Variants in DPP10 observed in about 807,000 individuals in gnomAD.
DPP10 encodes the protein inactive dipeptidyl peptidase 10.
In DPP10, 33 loss-of-function variants were observed where a neutral mutation model predicts 120.9. The observed-to-expected ratio is 0.27, with a 90% CI of 0.21 to 0.37. The LOEUF is 0.37. Ranked by LOEUF, DPP10 falls within the 10% of genes least tolerant of loss-of-function variation. DPP10 has a pLI of 1.00. For synonymous variants in DPP10, 337 were observed against 326.1 expected (o/e 1.03, Z -0.36); for missense variants, 816 against 942.8 (o/e 0.87, Z 1.76).
At chr2:115,474,439 C>A (rs1244578324) in intron 3 of DPP10, among the ~76,000 whole-genome samples, 1 of 152,160 alleles carries the variant, frequency 6.6e-6, no homozygotes, top group African/African-American at 2.4e-5. Flanking sequence ...TTTTCTGAAG[C>A]GTGAGAACGG....
At chr2:115,238,672 ACTT>A (rs2058117171) in intron 1 of DPP10, among the ~76,000 whole-genome samples, 1 of 152,162 alleles carries the variant, frequency 6.6e-6, no homozygotes, top group Non-Finnish European at 1.5e-5. Context: ...ATAAGGATTT[ACTT>A]CTTATGGATG....
chr2:115,611,972 T>G (rs905320774), intron 5 of DPP10, among the ~76,000 whole-genome samples: 1 of 152,142 alleles, frequency 6.6e-6, no homozygotes, highest in African/African-American at 2.4e-5. Flanking sequence ...GTTTGGCATA[T>G]TCACAAATGT....
chr2:115,727,721 A>G, intron 7 of DPP10, 95 bp from the exon 8 acceptor site: 2 of 1,357,468 alleles, frequency 1.5e-6, no homozygotes, highest in Non-Finnish European at 1.9e-6. Context: ...TAAATAATAC[A>G]ACATGGCTAT....
At chr2:115,693,603 C>G (rs899993358) in intron 7 of DPP10, among the ~76,000 whole-genome samples, 1 of 152,078 alleles carries the variant, frequency 6.6e-6, no homozygotes, top group Non-Finnish European at 1.5e-5. Flanking sequence ...AATAATAGCA[C>G]TTTGATACAC....
chr2:115,416,469 TAA>T (rs1412062698), intron 3 of DPP10, among the ~76,000 whole-genome samples: 1 of 152,098 alleles, frequency 6.6e-6, no homozygotes, highest in Non-Finnish European at 1.5e-5. Context: ...ACAGCATGAC[TAA>T]GTCTAGCCAA....
intron 5 of DPP10, among the ~76,000 whole-genome samples, chr2:115,533,956 T>C (rs998258205): frequency 6.6e-6 from 1 of 151,926 alleles, no homozygotes; most frequent in Non-Finnish European, 1.5e-5. Flanking sequence ...AATTGAAAAG[T>C]CCCTAGGAGG....
At chr2:114,520,186 T>C (rs1397837593) in intron 1 of DPP10, among the ~76,000 whole-genome samples, 1 of 152,242 alleles carries the variant, frequency 6.6e-6, no homozygotes, top group Admixed American at 6.5e-5. Context: ...TCTAAAACTA[T>C]CATCAAGTTC....
rs952596444 is a variant in DPP10, at chr2:115,743,650, A to G, written c.853-2436A>G. Among the ~76,000 whole-genome samples the G allele has an allele frequency of 9.2e-5, 13 of 141,076 alleles. 1 individual carries two copies. Among genetic ancestry groups the G allele is most frequent in the Admixed American group, 1.9e-4 (2 of 10,536 alleles). 92.6% of individuals were successfully genotyped at this position (141,076 alleles called of 152,430 possible). ...GGCACTTTACATAAATCTTTTTATT[A>G]GTTTATGAGATATTCTTATCTACAG... On this transcript the variant is annotated intron_variant, in intron 9 of 25. Coordinates refer to ENST00000410059, the MANE Select transcript of DPP10 (RefSeq NM_020868.6).
At chr2:115,570,822 A>G (rs1350144287) in intron 5 of DPP10, among the ~76,000 whole-genome samples, 1 of 152,276 alleles carries the variant, frequency 6.6e-6, no homozygotes, top group Admixed American at 6.5e-5. Context: ...TAATGTAACT[A>G]TAAATATAAT....
intron 1 of DPP10, among the ~76,000 whole-genome samples, chr2:114,889,660 C>T (rs935926099): frequency 2.0e-5 from 3 of 151,432 alleles, no homozygotes; most frequent in African/African-American, 4.8e-5. Flanking sequence ...AAGGGAAGCC[C>T]CCCAAAATTG....
intron 5 of DPP10, among the ~76,000 whole-genome samples, chr2:115,626,898 A>T (rs531068924): frequency 6.6e-6 from 1 of 152,276 alleles, no homozygotes; most frequent in East Asian, 1.9e-4. Context: ...TCTAAATACC[A>T]CTCACTAAAC....
At chr2:114,731,361 C>T (rs1387389266) in intron 1 of DPP10, among the ~76,000 whole-genome samples, 1 of 152,130 alleles carries the variant, frequency 6.6e-6, no homozygotes, top group African/African-American at 2.4e-5. Flanking sequence ...TCTACTCCTG[C>T]TAATAATAGT....
At chr2:115,082,714 G>A (rs1363513817) in intron 1 of DPP10, among the ~76,000 whole-genome samples, 2 of 152,188 alleles carry the variant, frequency 1.3e-5, no homozygotes, top group Non-Finnish European at 2.9e-5. Context: ...ATTCCAGCCA[G>A]TGAACCTACC....
Position 114,626,606 on chromosome 2 carries a change from T to C in DPP10, c.60+183768T>C, listed in dbSNP as rs530502921. Among the ~76,000 whole-genome samples the C allele has an allele frequency of 1.5e-4, 23 of 152,132 alleles. 1 individual carries two copies. Among genetic ancestry groups the C allele is most frequent in the African/African-American group, 5.5e-4 (23 of 41,548 alleles). On this transcript the variant is annotated intron_variant, in intron 1 of 25. Coordinates refer to ENST00000410059, the MANE Select transcript of DPP10 (RefSeq NM_020868.6). ...TAGAAAAAGACTGAGGGCTCACCCA[T>C]CTAGAAGCAGATCTAGTTTGAGAAT...
intron 1 of DPP10, among the ~76,000 whole-genome samples, chr2:114,789,946 A>G (rs1382743260): frequency 6.6e-6 from 1 of 152,238 alleles, no homozygotes; most frequent in Non-Finnish European, 1.5e-5. Flanking sequence ...AAGTGCTTAC[A>G]ATGATGTTTA....
chr2:115,091,795 T>C (rs904804612), intron 1 of DPP10, among the ~76,000 whole-genome samples: 3 of 152,192 alleles, frequency 2.0e-5, no homozygotes, highest in Non-Finnish European at 4.4e-5. Flanking sequence ...TGAGTGTCCA[T>C]GTTTAGCCCA....
chr2:115,785,751 A>G (rs1236080050), intron 17 of DPP10, among the ~76,000 whole-genome samples: 1 of 150,382 alleles, frequency 6.6e-6, no homozygotes. Context: ...GTAGCAGTCT[A>G]TTAATTGTAT....
intron 5 of DPP10, among the ~76,000 whole-genome samples, chr2:115,637,562 G>A (rs935662477): frequency 6.6e-6 from 1 of 152,124 alleles, no homozygotes; most frequent in African/African-American, 2.4e-5. Flanking sequence ...GTAAACCAAT[G>A]AAATATATTG....
At chr2:115,209,909 AG>A (rs2056393821) in intron 1 of DPP10, among the ~76,000 whole-genome samples, 1 of 152,198 alleles carries the variant, frequency 6.6e-6, no homozygotes, top group Non-Finnish European at 1.5e-5. Context: ...TAAGTAGGCC[AG>A]GTTCAGTGGC....
Sources: allele counts gnomAD v4.1 joint callset (sites outside exome capture counted in the v4.1 genomes callset), GRCh38; gene constraint gnomAD v4.1.1; transcripts MANE v1.5; gene names NCBI Gene and HGNC (gene_info 2026-07-23, HGNC 2026-07-21).